Variants in IGSF5 observed in about 807,000 individuals in gnomAD.
The protein encoded by IGSF5 is immunoglobulin superfamily member 5, also known as immunoglobulin superfamily 5 like.
In IGSF5, 41 loss-of-function variants were observed where a neutral mutation model predicts 39.4. That is an observed-to-expected ratio of 1.04 (90% CI 0.81 to 1.35). The LOEUF is 1.35. Ranked by LOEUF, IGSF5 falls within the 40% of genes most tolerant of loss-of-function variation. The pLI is 0.00. For synonymous variants in IGSF5, 183 were observed against 175.3 expected, an observed-to-expected ratio of 1.04 and a Z score of -0.34; for missense variants, 487 against 494.6, an observed-to-expected ratio of 0.98 and a Z score of 0.15.
intron 5 of IGSF5, among the ~76,000 whole-genome samples, chr21:39,781,673 G>T (rs55739464): frequency 0.088 from 13,342 of 152,218 alleles, 634 homozygotes; most frequent in South Asian, 0.16. Context: ...AACCTGGAAA[G>T]TAAGTAAATA....
chr21:39,774,375 C>T (rs1355624069), intron 4 of IGSF5, among the ~76,000 whole-genome samples: 1 of 152,152 alleles, frequency 6.6e-6, no homozygotes, highest in African/African-American at 2.4e-5. Flanking sequence ...AAGTGCAAAG[C>T]ATTTGTTTTC....
At chr21:39,718,076 A>C in the IGSF5 span, among the ~76,000 whole-genome samples, 1 of 144,522 alleles carries the variant, frequency 6.9e-6, no homozygotes, top group Admixed American at 6.7e-5. Flanking sequence ...GGTTAGCTGT[A>C]TTCCTGGGTA....
rs113069538 is a variant in IGSF5, at chr21:39,745,299, G to C, written c.-211G>C. ...GCTGTATACCTAAATTAGGAGGGAC[G>C]CCAGGGATAAGACTCCCTGGGCTAT... On this transcript the variant is annotated 5_prime_UTR_variant, in exon 1 of 9. Coordinates refer to ENST00000380588, the MANE Select transcript of IGSF5 (RefSeq NM_001080444.2). 1.1e-5 allele frequency: 5 copies of C among 443,722 alleles called. No homozygotes were observed. In the East Asian group the frequency reaches 1.6e-4, roughly 14 times the overall value. 27.5% of individuals were successfully genotyped at this position (443,722 alleles called of 1,614,324 possible). A position where few individuals can be genotyped will look rare whatever the true frequency, so the allele number is the denominator to read the frequency against.
At chr21:39,799,515 T>G (rs1380849897) in intron 8 of IGSF5, among the ~76,000 whole-genome samples, 1 of 152,114 alleles carries the variant, frequency 6.6e-6, no homozygotes, top group Non-Finnish European at 1.5e-5. Context: ...TTTTTTTTTT[T>G]GTCCCAGTGT....
At chr21:39,762,159 T>C (rs1411484773) in intron 2 of IGSF5, among the ~76,000 whole-genome samples, 1 of 152,106 alleles carries the variant, frequency 6.6e-6, no homozygotes, top group East Asian at 1.9e-4. Context: ...GGCCAGGATG[T>C]TGTGTTGGGT....
chr21:39,735,003 C>G, the IGSF5 span, among the ~76,000 whole-genome samples: 8 of 152,058 alleles, frequency 5.3e-5, no homozygotes, highest in African/African-American at 1.9e-4. Flanking sequence ...AGCTGAGATT[C>G]CAGGTGTGTG....
chr21:39,772,458 C>T (rs928358346), intron 4 of IGSF5, among the ~76,000 whole-genome samples: 2 of 152,146 alleles, frequency 1.3e-5, no homozygotes, highest in African/African-American at 4.8e-5. Context: ...TGGATTTTCT[C>T]ACAGTCCTGG....
At chr21:39,778,956 G>A in intron 4 of IGSF5, 134 bp from the exon 5 acceptor site, 1 of 930,386 alleles carries the variant, frequency 1.1e-6, no homozygotes, top group African/African-American at 1.7e-5. Flanking sequence ...AAAGAAACTT[G>A]GCCTATGACG....
chr21:39,760,862 A>G (rs913765759), intron 2 of IGSF5, among the ~76,000 whole-genome samples: 49 of 152,112 alleles, frequency 3.2e-4, no homozygotes, highest in African/African-American at 1.2e-3. Context: ...GAGCCACCTT[A>G]CCTGGCTGTC....
chr21:39,793,446 A>G lies in IGSF5; in HGVS notation c.1049-88A>G. On this transcript the variant is annotated intron_variant, in intron 7 of 8. Transcript: ENST00000380588. Reference sequence around the variant, plus strand: ...TATGCCAGCGGTACTACATAAAAGCAAATGTGTTTCTTTATAAATCAGAAT... The same window carrying G: ...TATGCCAGCGGTACTACATAAAAGCGAATGTGTTTCTTTATAAATCAGAAT... 2.9e-6 allele frequency: 3 copies of G among 1,037,250 alleles called. No homozygotes were observed. The South Asian group carries it at 4.1e-5, about 14-fold the overall frequency. The allele number at this position is 1,037,250 out of a possible 1,614,324, so 64.3% of individuals were successfully genotyped here. A position where few individuals can be genotyped will look rare whatever the true frequency, so the allele number is the denominator to read the frequency against.
intron 2 of IGSF5, among the ~76,000 whole-genome samples, chr21:39,746,610 G>A (rs1208885889): frequency 6.6e-6 from 1 of 152,036 alleles, no homozygotes; most frequent in African/African-American, 2.4e-5. Context: ...AACTCAGAAG[G>A]GTCTTCCAAA....
chr21:39,788,165 AG>A lies in IGSF5; in HGVS notation c.935del, dbSNP rs1489080602. 6.3e-7 allele frequency: 1 copy of A among 1,591,784 alleles called. No individual in the cohort carries two copies. Among genetic ancestry groups the A allele is most frequent in the African/African-American group, 1.3e-5 (1 of 74,370 alleles). The stretch of plus-strand genomic sequence containing the variant: ...CCAATGTAATTTTGTTCTTTTTTGC[AG>A]GATTTCGTATTCAATTTCAAAAGTA... On this transcript the variant is annotated splice_acceptor_variant, in intron 5 of 8. Transcript: ENST00000380588. LOFTEE classifies it high-confidence loss of function.
chr21:39,770,668 A>G (rs2837196), intron 3 of IGSF5, among the ~76,000 whole-genome samples: 47,207 of 151,592 alleles, frequency 0.31, 7,887 homozygotes, highest in Non-Finnish European at 0.39. Context: ...AGCATTTTCT[A>G]TGTAACTTTG....
chr21:39,766,514 C>T (rs963221454), intron 3 of IGSF5, among the ~76,000 whole-genome samples: 1 of 152,164 alleles, frequency 6.6e-6, no homozygotes, highest in African/African-American at 2.4e-5. Context: ...TTTCTCTACC[C>T]TGCCTCCAAC....
intron 2 of IGSF5, among the ~76,000 whole-genome samples, chr21:39,764,928 G>A (rs1215317006): frequency 6.6e-6 from 1 of 152,196 alleles, no homozygotes; most frequent in East Asian, 1.9e-4. Flanking sequence ...CAGCCCCACT[G>A]CTGTGAATGC....
intron 2 of IGSF5, among the ~76,000 whole-genome samples, chr21:39,751,623 G>A (rs2080006122): frequency 6.6e-6 from 1 of 151,864 alleles, no homozygotes; most frequent in African/African-American, 2.4e-5. Flanking sequence ...TTGATGGGCT[G>A]GGGGGGGTGG....
At chr21:39,769,980 A>C (rs1048133800) in intron 3 of IGSF5, among the ~76,000 whole-genome samples, 1 of 152,222 alleles carries the variant, frequency 6.6e-6, no homozygotes, top group Admixed American at 6.5e-5. Flanking sequence ...CAGTAAGTAC[A>C]ACAAAGAGAG....
rs760114420 is a variant in IGSF5 at position 39,779,296 on chromosome 21, A to T, written c.925A>T (p.Arg309Ter). The stretch of plus-strand genomic sequence containing the variant: ...CTGCCGTTGTTGTTTCTGCTGTAGA[A>T]GAAAAAGAGGTAATTTTTTTGTTCA... ...CCCRCCFCCR[R>*]KRGFRIQFQK... The change falls in exon 5 of 9, where the codon AGA (arginine) becomes TGA (stop). Residue 309 changes from arginine to a stop codon, truncating the protein, a stop_gained. Coordinates refer to ENST00000380588, the MANE Select transcript of IGSF5 (RefSeq NM_001080444.2). LOFTEE classifies it high-confidence loss of function. The T allele has an allele frequency of 1.9e-6, 3 of 1,612,410 alleles. No individual in the cohort carries two copies. The South Asian group carries it at 3.3e-5, about 18-fold the overall frequency.
At chr21:39,766,185 C>T (rs2080086932) in intron 3 of IGSF5, among the ~76,000 whole-genome samples, 1 of 152,118 alleles carries the variant, frequency 6.6e-6, no homozygotes, top group African/African-American at 2.4e-5. Flanking sequence ...CACTTCCTCC[C>T]ATCTTTCCCT....
Sources: allele counts gnomAD v4.1 joint callset (sites outside exome capture counted in the v4.1 genomes callset), GRCh38; gene constraint gnomAD v4.1.1; transcripts MANE v1.5; gene names NCBI Gene and HGNC (gene_info 2026-07-23, HGNC 2026-07-21).